CIITA: variants seen among roughly 807,000 people sequenced by gnomAD.
CIITA encodes the protein class II major histocompatibility complex transactivator.
A neutral mutation model predicts 115.1 loss-of-function variants in CIITA; 72 were observed. The observed-to-expected ratio is 0.63, with a 90% CI of 0.52 to 0.76. The LOEUF is 0.76. CIITA is among the 30% of genes least tolerant of loss of function. The pLI, the probability that CIITA is intolerant of heterozygous loss-of-function variation, is 0.00. For missense variants in CIITA, 1,617 were observed against 1,463.8 expected (o/e 1.10, Z -1.71); for synonymous variants, 763 against 635.6 (o/e 1.20, Z -3.02).
In CIITA at chr16:10,918,443, G is replaced by T. The variant is rs775514166; in HGVS notation, c.3066G>T (p.Leu1022=). 1.2e-6 allele frequency: 2 copies of T among 1,614,102 alleles called. No individual in the cohort carries two copies. The highest frequency in any genetic ancestry group is 1.7e-6 in the Non-Finnish European group (2 of 1,179,940). The change falls in exon 16 of 20, where the codon CTG becomes CTT. Residue 1022 remains leucine, a synonymous_variant. Transcript: ENST00000324288. ...PQLKSLETLN[L]SQNNITDLGA... ...CCCCCTCACTGTGTCCCCGCAGTCT[G>T]TCCCAGAACAACATCACTGACCTGG...
Position 10,907,291 on chromosome 16 carries a change from A to G in CIITA, c.1799A>G (p.Asp600Gly). 3 of 1,613,114 alleles carry G rather than the reference A, an allele frequency of 1.9e-6. No homozygotes were observed. Among genetic ancestry groups the G allele is most frequent in the South Asian group, 1.1e-5 (1 of 91,058 alleles). Residue 600 changes from aspartate to glycine, a missense_variant, in exon 11 of 20, where the codon GAC becomes GGC. Asp to Gly is a moderately conservative substitution (Grantham distance 94). Coordinates refer to ENST00000324288, the MANE Select transcript of CIITA (RefSeq NM_000246.4). This position sits in a 1 kb window ranked among gnomAD's most constrained non-coding sequence, Gnocchi z 5.0. Reference sequence around the variant, plus strand: ...GACAGAGCCCTGACGCTCCTCCGGGACCGGCCACTTCTTCTCAGTCACAGC... The same window carrying G: ...GACAGAGCCCTGACGCTCCTCCGGGGCCGGCCACTTCTTCTCAGTCACAGC... ...HQDRALTLLR[D>G]RPLLLSHSHS... is the part of the protein sequence containing the mutation.
chr16:10,901,782 T>C lies in CIITA; in HGVS notation c.481+224T>C. 1 of 666,526 alleles carries C rather than the reference T, an allele frequency of 1.5e-6. No homozygotes were observed. The highest frequency in any genetic ancestry group is 1.8e-5 in the South Asian group (1 of 54,446). The allele number at this position is 666,526 out of a possible 1,614,324, so 41.3% of individuals were successfully genotyped here. A position where few individuals can be genotyped will look rare whatever the true frequency, so the allele number is the denominator to read the frequency against. On this transcript the variant is annotated intron_variant, in intron 6 of 19. Coordinates refer to ENST00000324288, the MANE Select transcript of CIITA (RefSeq NM_000246.4). This position sits in a 1 kb window ranked among gnomAD's most constrained non-coding sequence, Gnocchi z 6.8. ...TTGGAGCTAACAGATTGTTCATAGG[T>C]TCTATTCTGCCCCAGCTCTCCGTGT...
Position 10,924,951 on chromosome 16 carries a change from A to C in CIITA, c.*1096A>C, listed in dbSNP as rs2040470780. On this transcript the variant is annotated 3_prime_UTR_variant, in exon 20 of 20. Coordinates refer to ENST00000324288, the MANE Select transcript of CIITA (RefSeq NM_000246.4). Reference sequence around the variant, plus strand: ...ATCTAATATGTAACAAGCCACCCCAAATCATAGTGGCTTAAAACAACACTC... The same window carrying C: ...ATCTAATATGTAACAAGCCACCCCACATCATAGTGGCTTAAAACAACACTC... 2 of 152,386 alleles carry C rather than the reference A, an allele frequency of 1.3e-5. 1 individual carries two copies. The highest frequency in any genetic ancestry group is 6.8e-3 in the Middle Eastern group (2 of 294). The allele number at this position is 152,386 out of a possible 1,614,324, so 9.4% of individuals were successfully genotyped here.
chr16:10,923,871 G>C lies in CIITA; in HGVS notation c.*23-7G>C, dbSNP rs4780336. On this transcript the variant is annotated splice_region_variant and splice_polypyrimidine_tract_variant and intron_variant, in intron 19 of 19. Coordinates refer to ENST00000324288, the MANE Select transcript of CIITA (RefSeq NM_000246.4). The surrounding 1 kb of genome is among the most constrained non-coding windows in gnomAD (Gnocchi z 5.2). ...TAAACCCCCTCTCCTGGCTCCTCCC[G>C]CTACAGCATGTTCTCTGAGGACACT... is the stretch of plus-strand genomic sequence containing the variant. 9,771 of 160,892 alleles carry C rather than the reference G, an allele frequency of 0.061. 311 individuals carry two copies. Among genetic ancestry groups the C allele is most frequent in the East Asian group, 0.14 (764 of 5,402 alleles). 10.0% of individuals were successfully genotyped at this position (160,892 alleles called of 1,614,324 possible). A position where few individuals can be genotyped will look rare whatever the true frequency, so the allele number is the denominator to read the frequency against.
chr16:10,907,152 G>T lies in CIITA; in HGVS notation c.1660G>T (p.Val554Phe). Residue 554 changes from valine (V) to phenylalanine (F), a missense_variant, in exon 11 of 20, where the codon GTC becomes TTC. Physicochemically the swap from Val to Phe is conservative, Grantham distance 50. Transcript: ENST00000324288. The surrounding 1 kb of genome is among the most constrained non-coding windows in gnomAD (Gnocchi z 5.0). Reference protein sequence around the residue: ...LLTARPRGRLVQSLSKADALF... With the variant: ...LLTARPRGRLFQSLSKADALF... Reference sequence around the variant, plus strand: ...CACAGCCCGGCCCCGGGGCCGCCTGGTCCAGAGCCTGAGCAAGGCCGACGC... The same window carrying T: ...CACAGCCCGGCCCCGGGGCCGCCTGTTCCAGAGCCTGAGCAAGGCCGACGC... 2 of 1,612,724 alleles carry T rather than the reference G, an allele frequency of 1.2e-6. No individual in the cohort carries two copies. Among genetic ancestry groups the T allele is most frequent in the Non-Finnish European group, 1.7e-6 (2 of 1,179,800 alleles).
rs930379469 is a variant in CIITA at position 10,920,538 on chromosome 16, T to C, written c.3150-1629T>C. Among the ~76,000 whole-genome samples, 3 of 152,192 alleles carry C rather than the reference T, an allele frequency of 2.0e-5. No individual in the cohort carries two copies. Among genetic ancestry groups the C allele is most frequent in the African/African-American group, 7.2e-5 (3 of 41,458 alleles). ...CTGGGATTACGGGTGTGAGCCACCATGCCCAGCCTGATTTACCCTTTAAGA... is the reference window on the plus strand; with the variant it reads ...CTGGGATTACGGGTGTGAGCCACCACGCCCAGCCTGATTTACCCTTTAAGA... On this transcript the variant is annotated intron_variant, in intron 16 of 19. Coordinates refer to ENST00000324288, the MANE Select transcript of CIITA (RefSeq NM_000246.4). This position sits in a 1 kb window ranked among gnomAD's most constrained non-coding sequence, Gnocchi z 4.5.
rs1192592380 is a variant in CIITA, at chr16:10,914,951, T to A, written c.2889-619T>A. Reference sequence around the variant, plus strand: ...CCCAGGCTGCGGCGGGAGAAGGGTATCTGTGGATGTTGGGAAGAGTAAGAA... The same window carrying A: ...CCCAGGCTGCGGCGGGAGAAGGGTAACTGTGGATGTTGGGAAGAGTAAGAA... On this transcript the variant is annotated intron_variant, in intron 13 of 19. Transcript: ENST00000324288. The A allele has an allele frequency of 7.4e-6, 3 of 406,052 alleles. No homozygotes were observed. The East Asian group carries it at 2.1e-4, about 29-fold the overall frequency. 25.2% of individuals were successfully genotyped at this position (406,052 alleles called of 1,614,324 possible).
intron 8 of CIITA, 43 bp downstream of exon 8, chr16:10,902,844 C>G: frequency 6.2e-7 from 1 of 1,611,428 alleles, no homozygotes; most frequent in African/African-American, 1.3e-5. Context: ...TCCCTCCTAC[C>G]TGACTGCTCC....
In CIITA at chr16:10,941,987, C is replaced by G; in HGVS notation, n.1113C>G. ...GGGCCCAGTGCGTCCAGGTGGGCCGCGACCCGGGCGCCGAGCATGCAGCGG... is the reference window on the plus strand; with the variant it reads ...GGGCCCAGTGCGTCCAGGTGGGCCGGGACCCGGGCGCCGAGCATGCAGCGG... On this transcript the variant is annotated non_coding_transcript_exon_variant, in exon 2 of 2. Transcript: ENST00000573379. The surrounding 1 kb of genome is among the most constrained non-coding windows in gnomAD (Gnocchi z 6.4). The G allele has an allele frequency of 6.7e-7, 1 of 1,485,772 alleles. No individual in the cohort carries two copies. The highest frequency in any genetic ancestry group is 9.0e-7 in the Non-Finnish European group (1 of 1,116,830). 92.0% of individuals were successfully genotyped at this position (1,485,772 alleles called of 1,614,324 possible).
rs2040690770 is a variant in CIITA, at chr16:10,929,629, G to A, written c.*5774G>A. The A allele has an allele frequency of 2.1e-6, 2 of 940,230 alleles. No individual in the cohort carries two copies. Among genetic ancestry groups the A allele is most frequent in the African/African-American group, 3.5e-5 (2 of 56,462 alleles). 58.2% of individuals were successfully genotyped at this position (940,230 alleles called of 1,614,324 possible). A position where few individuals can be genotyped will look rare whatever the true frequency, so the allele number is the denominator to read the frequency against. On this transcript the variant is annotated 3_prime_UTR_variant, in exon 20 of 20. Coordinates refer to ENST00000324288, the MANE Select transcript of CIITA (RefSeq NM_000246.4). The surrounding 1 kb of genome is among the most constrained non-coding windows in gnomAD (Gnocchi z 4.3). ...CCTGCCACCAGGTTGGCTGGGGACAGGGACCAATCCACCAGGCTCGGGAGG... is the reference window on the plus strand; with the variant it reads ...CCTGCCACCAGGTTGGCTGGGGACAAGGACCAATCCACCAGGCTCGGGAGG...
intron 13 of CIITA, 31 bp downstream of exon 13, chr16:10,910,290 C>G: frequency 6.3e-7 from 1 of 1,591,456 alleles, no homozygotes; most frequent in Non-Finnish European, 8.6e-7. Flanking sequence ...TCTTGTGGGT[C>G]TGCGCAAGGT....
chr16:10,895,510 G>T (rs1275847059), intron 2 of CIITA, 82 bp downstream of exon 2: 16 of 1,592,108 alleles, frequency 1.0e-5, no homozygotes, highest in African/African-American at 1.3e-5. Flanking sequence ...GGAAATTCTG[G>T]TCCCTGCCCT....
chr16:10,889,277 C>T (rs1418436794), intron 1 of CIITA, among the ~76,000 whole-genome samples: 1 of 152,142 alleles, frequency 6.6e-6, no homozygotes. Context: ...CATCTATAGA[C>T]ATAGGAAACT....
chr16:10,912,459 T>C (rs1164990978), intron 13 of CIITA, among the ~76,000 whole-genome samples: 1 of 152,164 alleles, frequency 6.6e-6, no homozygotes, highest in Non-Finnish European at 1.5e-5. Flanking sequence ...TCTCAAGAGC[T>C]ACTGTGGAAG....
intron 1 of CIITA, among the ~76,000 whole-genome samples, chr16:10,878,257 C>T (rs995788691): frequency 3.9e-5 from 6 of 152,084 alleles, no homozygotes; most frequent in Non-Finnish European, 8.8e-5. Context: ...ACAGGTCTGC[C>T]GGTGTGGTTG....
At chr16:10,922,538 C>T (rs377475203) in intron 18 of CIITA, 48 bp downstream of exon 18, 16 of 1,585,722 alleles carry the variant, frequency 1.0e-5, no homozygotes, top group African/African-American at 8.1e-5. Context: ...ACTCCCCAGG[C>T]GTGTGGCCCA....
intron 1 of CIITA, among the ~76,000 whole-genome samples, chr16:10,891,346 CG>C (rs1416899023): frequency 6.6e-6 from 1 of 152,036 alleles, no homozygotes; most frequent in Non-Finnish European, 1.5e-5. Context: ...ACGTCCTTCC[CG>C]GGGTCTCAGT....
At chr16:10,895,137 G>T (rs2037991868) in intron 1 of CIITA, 145 bp from the exon 2 acceptor site, 5 of 878,960 alleles carry the variant, frequency 5.7e-6, no homozygotes, top group African/African-American at 4.9e-5. Context: ...TCTCCACCAC[G>T]CTGAGCATAT....
rs2144557437 is a variant in CIITA at position 10,902,114 on chromosome 16, A to G, written c.558A>G (p.Pro186=). The G allele has an allele frequency of 6.2e-7, 1 of 1,614,144 alleles. No homozygotes were observed. The highest frequency in any genetic ancestry group is 1.1e-5 in the South Asian group (1 of 91,084). ...VSDCSTLPCL[P]LPALFNQEPA... The stretch of plus-strand genomic sequence containing the variant: ...ACTGCTCCACCCTGCCCTGCCTGCC[A>G]CTGCCTGCGCTGTTCAACCAGGAGC... Residue 186 remains proline (P), a synonymous_variant, in exon 7 of 20, where the codon CCA becomes CCG. Coordinates refer to ENST00000324288, the MANE Select transcript of CIITA (RefSeq NM_000246.4).
Sources: gnomAD v4.1 joint callset for allele counts (sites outside exome capture counted in the v4.1 genomes callset) on GRCh38, gnomAD v4.1.1 for gene constraint, Gnocchi (gnomAD v3.1) non-coding constraint, MANE v1.5 for transcripts, NCBI Gene and HGNC (gene_info 2026-07-23, HGNC 2026-07-21) for gene names.